Variants in ZNF804B observed in about 807,000 individuals in gnomAD.
The protein encoded by ZNF804B is zinc finger protein 804B.
ZNF804B carries 80 observed loss-of-function variants against 101.4 expected under a neutral mutation model. The ratio of observed to expected loss-of-function variants is 0.79; its 90% CI spans 0.66 to 0.95. The LOEUF is 0.95. ZNF804B is among the 40% of genes least tolerant of loss of function. The pLI is 0.00. For synonymous variants in ZNF804B, 622 were observed against 558.8 expected, an observed-to-expected ratio of 1.11 and a Z score of -1.59; for missense variants, 1,673 against 1,561.9, an observed-to-expected ratio of 1.07 and a Z score of -1.20.
chr7:88,869,670 CCTT>C (rs1791785485), intron 1 of ZNF804B, among the ~76,000 whole-genome samples: 1 of 152,142 alleles, frequency 6.6e-6, no homozygotes, highest in Non-Finnish European at 1.5e-5. Context: ...GTTTCAGCCT[CCTT>C]TAAATATACT....
chr7:89,306,228 G>A (rs705366), intron 2 of ZNF804B, among the ~76,000 whole-genome samples: 6,028 of 151,880 alleles, frequency 0.04, 196 homozygotes, highest in African/African-American at 0.081. Context: ...TCATATTAAC[G>A]AAATATCTTA....
intron 1 of ZNF804B, among the ~76,000 whole-genome samples, chr7:88,864,072 T>C (rs1791689750): frequency 6.6e-6 from 1 of 152,218 alleles, no homozygotes; most frequent in Non-Finnish European, 1.5e-5. Context: ...GCATTCATCC[T>C]GGGTAGAAAT....
chr7:89,187,544 G>A (rs1383893750), intron 1 of ZNF804B, among the ~76,000 whole-genome samples: 1 of 152,136 alleles, frequency 6.6e-6, no homozygotes, highest in Non-Finnish European at 1.5e-5. Flanking sequence ...TTAAAGAAAT[G>A]TGGGAGATAT....
chr7:89,168,538 TC>T (rs1324526757), intron 1 of ZNF804B, among the ~76,000 whole-genome samples: 1 of 152,146 alleles, frequency 6.6e-6, no homozygotes, highest in Non-Finnish European at 1.5e-5. Flanking sequence ...TGAAAACCTT[TC>T]TAGCTAATGC....
At chr7:89,228,045 A>G (rs1321109607) in intron 2 of ZNF804B, among the ~76,000 whole-genome samples, 3 of 152,182 alleles carry the variant, frequency 2.0e-5, no homozygotes, top group African/African-American at 7.2e-5. Context: ...ACTGACTTCA[A>G]GAATGAAGCT....
chr7:89,202,185 T>A (rs1005350040), intron 1 of ZNF804B, among the ~76,000 whole-genome samples: 1 of 152,120 alleles, frequency 6.6e-6, no homozygotes, highest in Non-Finnish European at 1.5e-5. Flanking sequence ...CATAGAAATG[T>A]GAAGACAATT....
Position 89,335,251 on chromosome 7 carries a change from T to A in ZNF804B, c.2269T>A (p.Cys757Ser). The change falls in exon 4 of 4, where the codon TGT becomes AGT. Residue 757 changes from cysteine to serine, a missense_variant. Transcript: ENST00000333190. Reference sequence around the variant, plus strand: ...CTCAGTTGAAAGGCACAAACGGAAATGTCTAAAGCACAACTGCTTCTACTT... The same window carrying A: ...CTCAGTTGAAAGGCACAAACGGAAAAGTCTAAAGCACAACTGCTTCTACTT... ...HHSVERHKRKCLKHNCFYLSD... is the reference protein window; with the variant it reads ...HHSVERHKRKSLKHNCFYLSD... 1 of 1,613,786 alleles carries A rather than the reference T, an allele frequency of 6.2e-7. No individual in the cohort carries two copies. Among genetic ancestry groups the A allele is most frequent in the South Asian group, 1.1e-5 (1 of 91,080 alleles).
intron 1 of ZNF804B, among the ~76,000 whole-genome samples, chr7:89,073,155 A>C (rs970617094): frequency 2.6e-5 from 4 of 152,198 alleles, no homozygotes; most frequent in African/African-American, 9.6e-5. Context: ...TAAATTAGTG[A>C]GCACTGGAAG....
chr7:88,968,365 T>C (rs534870358), intron 1 of ZNF804B, among the ~76,000 whole-genome samples: 3 of 151,648 alleles, frequency 2.0e-5, no homozygotes, highest in African/African-American at 7.2e-5. Flanking sequence ...CTTTTTCTGA[T>C]TGTATCATTT....
intron 1 of ZNF804B, among the ~76,000 whole-genome samples, chr7:88,944,201 G>T (rs1793094375): frequency 6.6e-6 from 1 of 151,720 alleles, no homozygotes; most frequent in Non-Finnish European, 1.5e-5. Flanking sequence ...GCTATATCAT[G>T]TTGCACTCCC....
chr7:89,226,111 T>TG (rs1385935264), intron 2 of ZNF804B, among the ~76,000 whole-genome samples: 16 of 151,856 alleles, frequency 1.1e-4, no homozygotes, highest in Non-Finnish European at 1.9e-4. Flanking sequence ...ATGTCAAGCG[T>TG]GAAAAAAAGA....
intron 2 of ZNF804B, among the ~76,000 whole-genome samples, chr7:89,287,553 C>T (rs779036002): frequency 2.6e-5 from 4 of 152,064 alleles, no homozygotes; most frequent in African/African-American, 4.8e-5. Flanking sequence ...TAATGGTTAA[C>T]GGATAAACTA....
chr7:89,039,579 T>C (rs1328037960), intron 1 of ZNF804B, among the ~76,000 whole-genome samples: 3 of 152,036 alleles, frequency 2.0e-5, no homozygotes, highest in Admixed American at 1.3e-4. Flanking sequence ...CAGTTTTTTT[T>C]GGTGGAAATT....
At chr7:89,266,385 T>C (rs73399164) in intron 2 of ZNF804B, among the ~76,000 whole-genome samples, 2,388 of 152,258 alleles carry the variant, frequency 0.016, 60 homozygotes, top group African/African-American at 0.054. Flanking sequence ...ATATTATAAA[T>C]AATATGGACT....
chr7:89,323,739 AT>A (rs1481929895), intron 2 of ZNF804B, among the ~76,000 whole-genome samples: 10 of 152,154 alleles, frequency 6.6e-5, no homozygotes, highest in Non-Finnish European at 1.5e-4. Flanking sequence ...ACAATACCCT[AT>A]TTGTTTTCCC....
chr7:88,854,771 C>T (rs1436326043), intron 1 of ZNF804B, among the ~76,000 whole-genome samples: 1 of 104,504 alleles, frequency 9.6e-6, no homozygotes, highest in African/African-American at 4.1e-5. Context: ...GACCCCACAA[C>T]AGGCCCCAGT....
At chr7:89,113,563 T>C (rs374375399) in intron 1 of ZNF804B, among the ~76,000 whole-genome samples, 3 of 152,170 alleles carry the variant, frequency 2.0e-5, no homozygotes, top group Admixed American at 6.5e-5. Context: ...ACGCTCATTT[T>C]CATCATTACC....
chr7:89,231,638 T>C (rs1328550279), intron 2 of ZNF804B, among the ~76,000 whole-genome samples: 2 of 152,056 alleles, frequency 1.3e-5, no homozygotes, highest in Non-Finnish European at 2.9e-5. Flanking sequence ...GTGTAGTTTT[T>C]ATTTTACACA....
Position 88,870,363 on chromosome 7 carries a change from C to T in ZNF804B, c.108+110279C>T, listed in dbSNP as rs546383150. On this transcript the variant is annotated intron_variant, in intron 1 of 3. Transcript: ENST00000333190. ...TCGCGCCACTGCACTCCAGCCTGGG[C>T]GACAGAGCGAAACTCCGTCTCAAAA... 3.0e-4 allele frequency among the ~76,000 whole-genome samples: 32 copies of T among 107,210 alleles called. No individual in the cohort carries two copies. The South Asian group carries it at 5.6e-3, about 19-fold the overall frequency. 70.3% of individuals were successfully genotyped at this position (107,210 alleles called of 152,430 possible). A position where few individuals can be genotyped will look rare whatever the true frequency, so the allele number is the denominator to read the frequency against.
Sources: allele counts gnomAD v4.1 joint callset (sites outside exome capture counted in the v4.1 genomes callset), GRCh38; gene constraint gnomAD v4.1.1; transcripts MANE v1.5; gene names NCBI Gene and HGNC (gene_info 2026-07-23, HGNC 2026-07-21).